FAM13A: variants seen among roughly 807,000 people sequenced by gnomAD.
FAM13A encodes the protein protein FAM13A.
A neutral mutation model predicts 129.6 loss-of-function variants in FAM13A; 76 were observed. The ratio of observed to expected loss-of-function variants is 0.59; its 90% CI spans 0.49 to 0.71. FAM13A has a LOEUF of 0.71. Ranked by LOEUF, FAM13A falls within the 30% of genes least tolerant of loss-of-function variation. The pLI is 0.00. For synonymous variants in FAM13A, 443 were observed against 449.9 expected, an observed-to-expected ratio of 0.98 and a Z score of 0.20; for missense variants, 1,108 against 1,249.3, an observed-to-expected ratio of 0.89 and a Z score of 1.70.
In FAM13A at chr4:88,726,265, C is replaced by G. The variant is rs1159505598; in HGVS notation, c.*2268G>C. Reference sequence around the variant, plus strand: ...AGATCTAGTGTGAAAAGGGCTTCCTCTCATTTCTTCTGGGCTCCATTCCAT... The same window carrying G: ...AGATCTAGTGTGAAAAGGGCTTCCTGTCATTTCTTCTGGGCTCCATTCCAT... On this transcript the variant is annotated 3_prime_UTR_variant, in exon 24 of 24. Coordinates refer to ENST00000264344, the MANE Select transcript of FAM13A (RefSeq NM_014883.4). 1 of 150,280 alleles carries G rather than the reference C, an allele frequency of 6.7e-6. No homozygotes were observed. Among genetic ancestry groups the G allele is most frequent in the Non-Finnish European group, 1.5e-5 (1 of 67,874 alleles). 9.3% of individuals were successfully genotyped at this position (150,280 alleles called of 1,614,324 possible).
chr4:88,880,705 C>A (rs1176241990), intron 6 of FAM13A, among the ~76,000 whole-genome samples: 1 of 146,474 alleles, frequency 6.8e-6, no homozygotes, highest in Non-Finnish European at 1.5e-5. Context: ...AGGCTGGCAG[C>A]CTGGGGCAAA....
At chr4:88,831,886 A>ATT (rs148605293) in intron 7 of FAM13A, among the ~76,000 whole-genome samples, 16 of 151,564 alleles carry the variant, frequency 1.1e-4, no homozygotes, top group African/African-American at 2.4e-4. Context: ...CAGAATTAGA[A>ATT]TTTTTTTTTA....
At chr4:89,051,106 G>T (rs1236253257) in intron 1 of FAM13A, among the ~76,000 whole-genome samples, 3 of 152,200 alleles carry the variant, frequency 2.0e-5, no homozygotes, top group Non-Finnish European at 4.4e-5. Flanking sequence ...TTAACAGACT[G>T]TCTTAATCTG....
At chr4:88,887,223 A>G (rs1367777468) in intron 6 of FAM13A, among the ~76,000 whole-genome samples, 2 of 152,126 alleles carry the variant, frequency 1.3e-5, no homozygotes, top group South Asian at 2.1e-4. Flanking sequence ...AAATCTCAGA[A>G]ATCACCACTA....
chr4:88,849,984 C>T (rs1379478040), intron 7 of FAM13A, among the ~76,000 whole-genome samples: 1 of 152,134 alleles, frequency 6.6e-6, no homozygotes, highest in African/African-American at 2.4e-5. Flanking sequence ...TTATCTTTAT[C>T]ATCTTCGCCA....
At chr4:88,968,235 A>G (rs935110749) in intron 4 of FAM13A, among the ~76,000 whole-genome samples, 16 of 152,180 alleles carry the variant, frequency 1.1e-4, no homozygotes, top group Non-Finnish European at 1.8e-4. Flanking sequence ...CACATCACCT[A>G]CTTGGAAACA....
chr4:88,842,446 A>G (rs1735995680), intron 7 of FAM13A, among the ~76,000 whole-genome samples: 1 of 152,260 alleles, frequency 6.6e-6, no homozygotes, highest in African/African-American at 2.4e-5. Flanking sequence ...ACTTAATTCA[A>G]CAAATCCTCT....
chr4:88,859,241 T>C (rs1200814424), intron 6 of FAM13A, among the ~76,000 whole-genome samples: 1 of 152,180 alleles, frequency 6.6e-6, no homozygotes, highest in Non-Finnish European at 1.5e-5. Context: ...TTATAGCATA[T>C]TTCTATGCAA....
At position 88,942,475 on chromosome 4, in the gene FAM13A, G is replaced by A. The variant is rs185574798; in HGVS notation, c.606-4234C>T. ...CCAGCTACTTGGGAGGCTGAGGGACGAGGATCACTTGAACCCAGGAGGCAG... is the reference window on the plus strand; with the variant it reads ...CCAGCTACTTGGGAGGCTGAGGGACAAGGATCACTTGAACCCAGGAGGCAG... On this transcript the variant is annotated intron_variant, in intron 4 of 23. Transcript: ENST00000264344. Among the ~76,000 whole-genome samples, 507 of 152,020 alleles carry A rather than the reference G, an allele frequency of 3.3e-3. 3 individuals carry two copies. Among genetic ancestry groups the A allele is most frequent in the Admixed American group, 5.8e-3 (89 of 15,270 alleles).
At chr4:89,015,678 ATTATT>A (rs1442629580) in intron 3 of FAM13A, among the ~76,000 whole-genome samples, 1 of 152,190 alleles carries the variant, frequency 6.6e-6, no homozygotes, top group Admixed American at 6.5e-5. Context: ...TATACATTTT[ATTATT>A]TTAGAGTGTA....
intron 3 of FAM13A, among the ~76,000 whole-genome samples, chr4:89,001,545 G>C (rs1343680400): frequency 6.6e-6 from 1 of 152,108 alleles, no homozygotes; most frequent in Non-Finnish European, 1.5e-5. Flanking sequence ...AATTTCAAAA[G>C]AAAAGAAGCT....
At chr4:88,915,041 A>G (rs1037340437) in intron 5 of FAM13A, among the ~76,000 whole-genome samples, 1 of 152,196 alleles carries the variant, frequency 6.6e-6, no homozygotes, top group Non-Finnish European at 1.5e-5. Flanking sequence ...TGATCTGGAG[A>G]GCAGAAGACA....
At chr4:89,038,247 A>G (rs1443226377) in intron 1 of FAM13A, among the ~76,000 whole-genome samples, 2 of 152,230 alleles carry the variant, frequency 1.3e-5, no homozygotes, top group African/African-American at 2.4e-5. Flanking sequence ...ATCCTTCACA[A>G]ATTTAAAGCC....
At chr4:88,955,583 G>T (rs1382709843) in intron 4 of FAM13A, among the ~76,000 whole-genome samples, 1 of 152,210 alleles carries the variant, frequency 6.6e-6, no homozygotes, top group Non-Finnish European at 1.5e-5. Flanking sequence ...GGAGGGCTCA[G>T]AGGACAGGAA....
intron 6 of FAM13A, among the ~76,000 whole-genome samples, chr4:88,879,363 AG>A (rs1579087743): frequency 6.6e-6 from 1 of 152,354 alleles, no homozygotes; most frequent in East Asian, 1.9e-4. Flanking sequence ...ATATAAGACT[AG>A]AAAAGTGGGA....
At chr4:88,925,753 TATGAG>T in intron 5 of FAM13A, among the ~76,000 whole-genome samples, 1 of 151,358 alleles carries the variant, frequency 6.6e-6, no homozygotes, top group South Asian at 2.1e-4. Context: ...TATAAGTAAA[TATGAG>T]ATATTGTTCT....
At chr4:88,920,833 A>C (rs1750943553) in intron 5 of FAM13A, among the ~76,000 whole-genome samples, 1 of 152,210 alleles carries the variant, frequency 6.6e-6, no homozygotes, top group Admixed American at 6.5e-5. Context: ...TAACTAGAAT[A>C]ATCAATAGAG....
At chr4:89,049,054 A>C (rs1771221304) in intron 1 of FAM13A, among the ~76,000 whole-genome samples, 1 of 152,222 alleles carries the variant, frequency 6.6e-6, no homozygotes, top group Admixed American at 6.5e-5. Context: ...CAACACATTT[A>C]CTGGAATGTA....
intron 6 of FAM13A, among the ~76,000 whole-genome samples, chr4:88,895,441 CTT>C (rs1746120859): frequency 6.6e-6 from 1 of 150,820 alleles, no homozygotes; most frequent in Admixed American, 6.6e-5. Context: ...AACTAAAGAG[CTT>C]CTGTACAGCA....
Sources: gnomAD v4.1 joint callset for allele counts (sites outside exome capture counted in the v4.1 genomes callset) on GRCh38, gnomAD v4.1.1 for gene constraint, MANE v1.5 for transcripts, NCBI Gene and HGNC (gene_info 2026-07-23, HGNC 2026-07-21) for gene names.